The following ERI1 variants were observed in gnomAD, a reference collection of about 807,000 sequenced individuals.
The protein encoded by ERI1 is exoribonuclease 1, also known as 3'-5' exoribonuclease 1.
Under a neutral mutation model 39.7 loss-of-function variants are expected in ERI1, and 39 were observed. The ratio of observed to expected loss-of-function variants is 0.98; its 90% CI spans 0.76 to 1.28. ERI1 has a LOEUF of 1.28. Among genes scored for constraint, ERI1 ranks in the 50% most tolerant of loss-of-function variants. ERI1 has a pLI of 0.00. For missense variants in ERI1, 581 were observed against 416.9 expected (o/e 1.39, Z -3.43); for synonymous variants, 204 against 149.6 (o/e 1.36, Z -2.65).
At chr8:9,024,823 C>CT (rs1010066715) in intron 6 of ERI1, among the ~76,000 whole-genome samples, 6 of 150,984 alleles carry the variant, frequency 4.0e-5, no homozygotes, top group Admixed American at 6.6e-5. Flanking sequence ...AATGTGTTTT[C>CT]TTTTTTTTTG....
chr8:9,034,066 A>T (rs758964558), downstream of ERI1, among the ~76,000 whole-genome samples: 19 of 152,238 alleles, frequency 1.2e-4, no homozygotes, highest in Non-Finnish European at 2.1e-4. Context: ...TCTTGAGATT[A>T]GAAATGTTAG....
At chr8:9,080,675 T>C (rs17155181) in intron 3 of ERI1, among the ~76,000 whole-genome samples, 21,631 of 152,200 alleles carry the variant, frequency 0.14, 1,719 homozygotes, top group Middle Eastern at 0.2. Flanking sequence ...CTTTGGGTTC[T>C]AGCAGCACAG....
Position 9,018,422 on chromosome 8 carries a change from G to T in ERI1, c.692+16G>T. 7.2e-7 allele frequency: 1 copy of T among 1,397,736 alleles called. No individual in the cohort carries two copies. Among genetic ancestry groups the T allele is most frequent in the Non-Finnish European group, 1.0e-6 (1 of 999,306 alleles). 86.6% of individuals were successfully genotyped at this position (1,397,736 alleles called of 1,614,324 possible). A position where few individuals can be genotyped will look rare whatever the true frequency, so the allele number is the denominator to read the frequency against. Reference sequence around the variant, plus strand: ...TAACAGATGGGTAAGTATTTAGGAAGATTATTTTTTTATATCTACTTTTTA... The same window carrying T: ...TAACAGATGGGTAAGTATTTAGGAATATTATTTTTTTATATCTACTTTTTA... On this transcript the variant is annotated intron_variant, in intron 5 of 6. Transcript: ENST00000250263.
intron 4 of ERI1, 43 bp from the exon 5 acceptor site, chr8:9,018,254 G>T (rs7822129): frequency 0.28 from 333,344 of 1,181,924 alleles, 51,407 homozygotes; most frequent in African/African-American, 0.38. Context: ...TCTACGTGAA[G>T]CTGCAGCCCT....
intron 3 of ERI1, among the ~76,000 whole-genome samples, chr8:9,078,034 G>T (rs1040616292): frequency 6.6e-6 from 1 of 152,108 alleles, no homozygotes; most frequent in Admixed American, 6.6e-5. Context: ...TTGTCAGCCA[G>T]GCTGGAATGC....
rs376714128 is a variant in ERI1, at chr8:9,042,928, G to A, written n.299+22464G>A. Among the ~76,000 whole-genome samples the A allele has an allele frequency of 9.3e-4, 142 of 152,308 alleles. 3 individuals carry two copies. Among genetic ancestry groups the A allele is most frequent in the African/African-American group, 2.4e-3 (101 of 41,568 alleles). On this transcript the variant is annotated intron_variant and non_coding_transcript_variant, in intron 3 of 3. Coordinates refer to the ERI1 transcript ENST00000518663. ...AGTCAGTTACCCTGCATGCTCCCAC[G>A]CGCAGTGCCGTATGTCCCCCGGCAC... is the stretch of plus-strand genomic sequence containing the variant.
chr8:9,020,739 T>A (rs1170402764), intron 6 of ERI1, among the ~76,000 whole-genome samples: 2 of 152,188 alleles, frequency 1.3e-5, no homozygotes, highest in African/African-American at 4.8e-5. Flanking sequence ...GAGCAAATGC[T>A]CCCCACTAGA....
At chr8:9,080,408 G>T (rs1799332808) in intron 3 of ERI1, among the ~76,000 whole-genome samples, 1 of 152,212 alleles carries the variant, frequency 6.6e-6, no homozygotes, top group Non-Finnish European at 1.5e-5. Context: ...CTGAGTGACA[G>T]TGACATTTCT....
At chr8:9,054,314 G>T (rs1038102556) in intron 3 of ERI1, among the ~76,000 whole-genome samples, 3 of 152,110 alleles carry the variant, frequency 2.0e-5, no homozygotes, top group Non-Finnish European at 4.4e-5. Context: ...GTCCTATTCG[G>T]CTGCACTTTT....
At chr8:9,027,151 G>GTGTGTGTA (rs1554519679) in intron 6 of ERI1, among the ~76,000 whole-genome samples, 5 of 70,796 alleles carry the variant, frequency 7.1e-5, no homozygotes, top group Admixed American at 2.3e-4. Flanking sequence ...GTGTGTGTAT[G>GTGTGTGTA]TGTGTGTGTG....
chr8:9,036,925 G>A (rs557181203), downstream of ERI1, among the ~76,000 whole-genome samples: 2 of 152,172 alleles, frequency 1.3e-5, no homozygotes, highest in East Asian at 3.9e-4. Context: ...AGTCACATAG[G>A]ATTGAAACCA....
chr8:9,003,027 C>G lies in ERI1; in HGVS notation c.-37C>G, dbSNP rs923720174. The G allele has an allele frequency of 2.5e-6, 3 of 1,194,970 alleles. No individual in the cohort carries two copies. Among genetic ancestry groups the G allele is most frequent in the Admixed American group, 4.2e-5 (1 of 23,642 alleles). The allele number at this position is 1,194,970 out of a possible 1,614,324, so 74.0% of individuals were successfully genotyped here. A position where few individuals can be genotyped will look rare whatever the true frequency, so the allele number is the denominator to read the frequency against. ...CTGCAGAGTGAGAGTTAGCAAGTGT[C>G]CGGCTCCAGCAACTCTCCTCTGGCG... On this transcript the variant is annotated 5_prime_UTR_variant, in exon 1 of 7. Transcript: ENST00000250263.
At chr8:9,061,389 A>C (rs1798690942) in intron 3 of ERI1, among the ~76,000 whole-genome samples, 1 of 152,058 alleles carries the variant, frequency 6.6e-6, no homozygotes, top group Admixed American at 6.6e-5. Context: ...CAGCTGAAGG[A>C]CCCGGGGAGC....
rs928718621 is a variant in ERI1, at chr8:9,033,165, T to G, written c.*3131T>G. ...TCCAAAGCCCGTAAATTTGTTAATC[T>G]AGAGCAGGGGTCAGCAAACTACCAC... On this transcript the variant is annotated 3_prime_UTR_variant, in exon 7 of 7. Transcript: ENST00000250263. The G allele has an allele frequency of 2.0e-5, 3 of 150,844 alleles. No individual in the cohort carries two copies. Among genetic ancestry groups the G allele is most frequent in the African/African-American group, 7.3e-5 (3 of 40,886 alleles). The allele number at this position is 150,844 out of a possible 1,614,324, so 9.3% of individuals were successfully genotyped here.
intron 3 of ERI1, among the ~76,000 whole-genome samples, chr8:9,074,766 A>T (rs1799155779): frequency 6.6e-6 from 1 of 152,198 alleles, no homozygotes; most frequent in Non-Finnish European, 1.5e-5. Context: ...CTGCATTTAT[A>T]TGGGAACTTC....
intron 3 of ERI1, among the ~76,000 whole-genome samples, chr8:9,044,703 C>T (rs756545996): frequency 3.3e-5 from 5 of 151,990 alleles, no homozygotes; most frequent in Non-Finnish European, 7.4e-5. Flanking sequence ...AAGCAGCAGA[C>T]ACAGCATGTT....
intron 6 of ERI1, among the ~76,000 whole-genome samples, chr8:9,025,990 C>CA (rs1818434776): frequency 6.6e-6 from 1 of 152,098 alleles, no homozygotes; most frequent in Admixed American, 6.5e-5. Flanking sequence ...GCAGAACTGT[C>CA]ACTGTCTCAG....
rs192035725 is a variant in ERI1, at chr8:9,022,544, C to T, written c.807+2080C>T. ...CATCCCGAGTAGCTGGGACTACGGG[C>T]GCCCACAACCACAACTGGCTAATTT... On this transcript the variant is annotated intron_variant, in intron 6 of 6. Transcript: ENST00000250263. Among the ~76,000 whole-genome samples, 5 of 152,086 alleles carry T rather than the reference C, an allele frequency of 3.3e-5. No homozygotes were observed. In the South Asian group the frequency reaches 6.2e-4, roughly 19 times the overall value.
At chr8:9,097,163 C>G (rs543644776) in intron 3 of ERI1, among the ~76,000 whole-genome samples, 2 of 152,224 alleles carry the variant, frequency 1.3e-5, no homozygotes, top group African/African-American at 4.8e-5. Flanking sequence ...CCCATGAAGC[C>G]TTTTGTGACT....
Sources: gnomAD v4.1 joint callset for allele counts (sites outside exome capture counted in the v4.1 genomes callset) on GRCh38, gnomAD v4.1.1 for gene constraint, MANE v1.5 for transcripts, NCBI Gene and HGNC (gene_info 2026-07-23, HGNC 2026-07-21) for gene names.